The following CIROZ variants were observed in gnomAD, a reference collection of about 807,000 sequenced individuals.
CIROZ encodes ciliated left-right organizer protein containing ZP-N domains.
chr1:10,951,432 G>A, the CIROZ span, among the ~76,000 whole-genome samples: 5 of 151,492 alleles, frequency 3.3e-5, no homozygotes, highest in African/African-American at 9.7e-5. Flanking sequence ...GCATGGTGGC[G>A]GGCACTTGTA....
At chr1:10,961,224 G>A in the CIROZ span, among the ~76,000 whole-genome samples, 2 of 152,184 alleles carry the variant, frequency 1.3e-5, no homozygotes, top group African/African-American at 2.4e-5. Flanking sequence ...CAGTGCAAAG[G>A]GAGCAGTAAC....
the CIROZ span, chr1:10,982,054 T>A: frequency 1.3e-6 from 2 of 1,537,174 alleles, no homozygotes. Flanking sequence ...GCCCAGCAGC[T>A]CTCTCCTGCC....
the CIROZ span, chr1:10,981,885 T>G: frequency 8.3e-7 from 1 of 1,198,370 alleles, no homozygotes; most frequent in Non-Finnish European, 1.2e-6. Context: ...CCCTCACCCA[T>G]TTGGCCCCCT....
chr1:10,981,914 C>T, the CIROZ span: 2 of 1,452,272 alleles, frequency 1.4e-6, no homozygotes, highest in Non-Finnish European at 9.3e-7. Context: ...AGATGCAAGG[C>T]TTCTGATTCT....
chr1:10,957,138 C>A, the CIROZ span: 1 of 1,520,352 alleles, frequency 6.6e-7, no homozygotes, highest in South Asian at 1.2e-5. Flanking sequence ...CCCCTGAGGT[C>A]TCCAAAACTG....
At chr1:10,970,236 G>A in the CIROZ span, 1 of 748,598 alleles carries the variant, frequency 1.3e-6, no homozygotes, top group Admixed American at 3.0e-5. Flanking sequence ...GGGCATGTAG[G>A]GGTCATATTG....
chr1:10,969,782 T>C, the CIROZ span, among the ~76,000 whole-genome samples: 1 of 151,858 alleles, frequency 6.6e-6, no homozygotes, highest in South Asian at 2.1e-4. Context: ...AGTGCCGGGA[T>C]TGTGACTGGG....
At chr1:10,947,879 C>T in the CIROZ span, 7 of 1,612,112 alleles carry the variant, frequency 4.3e-6, no homozygotes, top group South Asian at 5.5e-5. Context: ...GAGGGCTGGA[C>T]GTGTGTGCAA....
the CIROZ span, chr1:10,957,511 A>T: frequency 6.7e-7 from 1 of 1,500,898 alleles, no homozygotes; most frequent in South Asian, 1.3e-5. Flanking sequence ...CCAGTCTCGC[A>T]GGTGGACATT....
At chr1:10,962,153 TAA>T in the CIROZ span, among the ~76,000 whole-genome samples, 1 of 152,032 alleles carries the variant, frequency 6.6e-6, no homozygotes, top group East Asian at 2.0e-4. Flanking sequence ...CCTACAAAAT[TAA>T]AGTGACTTGA....
chr1:10,957,506 C>T, the CIROZ span: 1 of 1,484,678 alleles, frequency 6.7e-7, no homozygotes, highest in East Asian at 2.3e-5. Flanking sequence ...TCTGTCCAGT[C>T]TCGCAGGTGG....
At chr1:10,965,703 G>C in the CIROZ span, among the ~76,000 whole-genome samples, 1 of 151,880 alleles carries the variant, frequency 6.6e-6, no homozygotes, top group African/African-American at 2.4e-5. Flanking sequence ...TTACCAAGTA[G>C]TCTCAGCTAC....
the CIROZ span, among the ~76,000 whole-genome samples, chr1:10,980,725 TCTC>T: frequency 1.3e-5 from 2 of 152,126 alleles, no homozygotes; most frequent in Non-Finnish European, 2.9e-5. Context: ...CTGCTCCTGT[TCTC>T]CTCCTTGAGC....
the CIROZ span, among the ~76,000 whole-genome samples, chr1:10,951,547 G>C: frequency 6.9e-6 from 1 of 145,040 alleles, no homozygotes; most frequent in Middle Eastern, 3.2e-3. Flanking sequence ...ACTCTGTCTC[G>C]GGGTAAAAAA....
At chr1:10,955,022 T>C in the CIROZ span, 1 of 1,608,992 alleles carries the variant, frequency 6.2e-7, no homozygotes, top group Non-Finnish European at 8.5e-7. Flanking sequence ...GCCGGAATGC[T>C]GACCACCACA....
chr1:10,964,213 C>T, the CIROZ span: 14 of 1,614,202 alleles, frequency 8.7e-6, no homozygotes, highest in South Asian at 5.5e-5. Context: ...GCGATCACTC[C>T]GCTCCAACCC....
chr1:10,970,120 G>A, the CIROZ span: 9 of 1,485,584 alleles, frequency 6.1e-6, no homozygotes, highest in African/African-American at 1.1e-4. Flanking sequence ...AGGGAGGGAG[G>A]TGGGGAAGGG....
At chr1:10,948,054 C>T in the CIROZ span, 3 of 1,613,302 alleles carry the variant, frequency 1.9e-6, no homozygotes, top group Non-Finnish European at 1.7e-6. Context: ...CGCTGCCAGC[C>T]TCACCCTGGG....
At chr1:10,975,199 A>C in the CIROZ span, among the ~76,000 whole-genome samples, 1 of 152,080 alleles carries the variant, frequency 6.6e-6, no homozygotes, top group Non-Finnish European at 1.5e-5. Flanking sequence ...CAAGGTCAGG[A>C]GTTCGAGGCC....
Sources: allele counts gnomAD v4.1 joint callset (sites outside exome capture counted in the v4.1 genomes callset), GRCh38; gene constraint gnomAD v4.1.1; transcripts MANE v1.5; gene names NCBI Gene and HGNC (gene_info 2026-07-23, HGNC 2026-07-21).